The following ADAM28 variants were observed in gnomAD, a reference collection of about 807,000 sequenced individuals.
The protein encoded by ADAM28 is ADAM metallopeptidase domain 28, also known as disintegrin and metalloproteinase domain-containing protein 28.
In ADAM28, 105 loss-of-function variants were observed where a neutral mutation model predicts 101.2. The observed-to-expected ratio is 1.04, with a 90% CI of 0.89 to 1.22. The LOEUF is 1.22. Ranked by LOEUF, ADAM28 falls within the 50% of genes most tolerant of loss-of-function variation. ADAM28 has a pLI of 0.00. For missense variants in ADAM28, 1,028 were observed against 945.4 expected (o/e 1.09, Z -1.15); for synonymous variants, 322 against 310.6 (o/e 1.04, Z -0.39).
chr8:24,297,652 A>G (rs192516072), intron 1 of ADAM28, among the ~76,000 whole-genome samples: 55 of 152,340 alleles, frequency 3.6e-4, no homozygotes, highest in African/African-American at 1.3e-3. Flanking sequence ...GTAATGTACC[A>G]GGCAGCACGT....
chr8:24,297,166 TTTGTTG>T (rs151294062), intron 1 of ADAM28, among the ~76,000 whole-genome samples: 4 of 151,638 alleles, frequency 2.6e-5, no homozygotes, highest in African/African-American at 7.3e-5. Flanking sequence ...TGGGTTTTTT[TTTGTTG>T]TTGTTGTTGT....
intron 18 of ADAM28, among the ~76,000 whole-genome samples, chr8:24,348,473 AT>A (rs2129337123): frequency 6.6e-6 from 1 of 152,020 alleles, no homozygotes; most frequent in African/African-American, 2.4e-5. Context: ...TTTGCCTTTC[AT>A]TTCTTTCTGC....
At chr8:24,321,189 C>T (rs1811828859) in intron 7 of ADAM28, 29 bp from the exon 8 acceptor site, 7 of 1,389,202 alleles carry the variant, frequency 5.0e-6, no homozygotes, top group South Asian at 1.2e-5. Context: ...TTTATCAATG[C>T]CCATATTCTT....
At chr8:24,325,485 A>G (rs1262989524) in intron 9 of ADAM28, among the ~76,000 whole-genome samples, 2 of 151,962 alleles carry the variant, frequency 1.3e-5, no homozygotes, top group African/African-American at 4.8e-5. Context: ...TCCAAAATGA[A>G]CGAAATGTTA....
intron 5 of ADAM28, 27 bp downstream of exon 5, chr8:24,311,464 T>G: frequency 6.3e-7 from 1 of 1,583,602 alleles, no homozygotes; most frequent in Non-Finnish European, 8.6e-7. Context: ...GTTTTGCATG[T>G]ACCTGTGATT....
At chr8:24,297,614 A>G (rs1417677923) in intron 1 of ADAM28, among the ~76,000 whole-genome samples, 2 of 152,230 alleles carry the variant, frequency 1.3e-5, no homozygotes, top group African/African-American at 4.8e-5. Context: ...CTCTATCTTA[A>G]CAAGACTAAT....
chr8:24,323,970 G>T lies in ADAM28; in HGVS notation c.857G>T (p.Arg286Ile). The change falls in exon 9 of 23, where the codon AGA becomes ATA. Residue 286 changes from arginine to isoleucine, a missense_variant. By Grantham distance (97) the Arg-to-Ile change is moderately conservative (BLOSUM62 -3). Transcript: ENST00000265769. ...FSKWRGSVLSRRKRHDIAQLI... is the reference protein window; with the variant it reads ...FSKWRGSVLSIRKRHDIAQLI... The stretch of plus-strand genomic sequence containing the variant: ...AAATGGAGGGGGAGTGTTCTCTCAA[G>T]AAGAAAGCGTCATGATATTGCTCAG... 1 of 1,611,986 alleles carries T rather than the reference G, an allele frequency of 6.2e-7. No individual in the cohort carries two copies. The highest frequency in any genetic ancestry group is 1.7e-4 in the Middle Eastern group (1 of 6,042).
rs1294813334 is a variant in ADAM28 at position 24,331,196 on chromosome 8, G to A, written c.1150G>A (p.Asp384Asn). Residue 384 changes from aspartate to asparagine, a missense_variant, in exon 12 of 23, where the codon GAC (aspartate) becomes AAC (asparagine). By Grantham distance (23) the Asp-to-Asn change is conservative. Transcript: ENST00000265769. ...DFSSCSRLSY[D>N]KFFEDKLSNC... ...CAGTTCCTGCAGCCGTCTCAGCTAT[G>A]ACAAGTTTTTTGAAGATAAATTATC... 2 of 1,613,408 alleles carry A rather than the reference G, an allele frequency of 1.2e-6. No homozygotes were observed. The highest frequency in any genetic ancestry group is 1.7e-5 in the Admixed American group (1 of 59,942).
chr8:24,355,713 T>G lies in ADAM28; in HGVS notation c.*1309T>G, dbSNP rs576424025. 2.2e-4 allele frequency: 33 copies of G among 152,284 alleles called. No individual in the cohort carries two copies. Among genetic ancestry groups the G allele is most frequent in the African/African-American group, 7.9e-4 (33 of 41,574 alleles). 9.4% of individuals were successfully genotyped at this position (152,284 alleles called of 1,614,324 possible). ...AGAATAAAACCTGGCCTTTCAATGATGTCATGGAATTGGTAGATCAGTGAC... is the reference window on the plus strand; with the variant it reads ...AGAATAAAACCTGGCCTTTCAATGAGGTCATGGAATTGGTAGATCAGTGAC... On this transcript the variant is annotated 3_prime_UTR_variant, in exon 23 of 23. Coordinates refer to ENST00000265769, the MANE Select transcript of ADAM28 (RefSeq NM_014265.6).
chr8:24,357,571 A>G lies in ADAM28; in HGVS notation c.*3167A>G, dbSNP rs1248051438. On this transcript the variant is annotated 3_prime_UTR_variant, in exon 23 of 23. Transcript: ENST00000265769. ...GAGAGCTTACTATCTCGACAAAAGCATGGGGGAAACCACCCCCATGATCCA... is the reference window on the plus strand; with the variant it reads ...GAGAGCTTACTATCTCGACAAAAGCGTGGGGGAAACCACCCCCATGATCCA... 1 of 152,152 alleles carries G rather than the reference A, an allele frequency of 6.6e-6. No homozygotes were observed. The highest frequency in any genetic ancestry group is 1.5e-5 in the Non-Finnish European group (1 of 68,030). 9.4% of individuals were successfully genotyped at this position (152,152 alleles called of 1,614,324 possible). A position where few individuals can be genotyped will look rare whatever the true frequency, so the allele number is the denominator to read the frequency against.
intron 5 of ADAM28, among the ~76,000 whole-genome samples, chr8:24,311,801 C>T (rs184503379): frequency 1.3e-5 from 2 of 152,098 alleles, no homozygotes; most frequent in East Asian, 1.9e-4. Context: ...TATAGTGGTG[C>T]GATTTCAGCT....
At chr8:24,312,945 C>T (rs191544659) in intron 5 of ADAM28, among the ~76,000 whole-genome samples, 1 of 152,134 alleles carries the variant, frequency 6.6e-6, no homozygotes, top group Non-Finnish European at 1.5e-5. Flanking sequence ...ATGTGGAGAA[C>T]CTGAGGCTTG....
chr8:24,304,513 A>G (rs1416393992), intron 2 of ADAM28, among the ~76,000 whole-genome samples: 2 of 152,136 alleles, frequency 1.3e-5, no homozygotes, highest in East Asian at 3.9e-4. Context: ...TTGTATAAAT[A>G]TTTGGGGATA....
chr8:24,321,540 G>A (rs1013222788), intron 8 of ADAM28: 3 of 444,394 alleles, frequency 6.8e-6, no homozygotes, highest in South Asian at 4.7e-5. Context: ...AGCTACATGG[G>A]TGCATTGTAT....
At chr8:24,300,599 G>A (rs956837598) in intron 2 of ADAM28, among the ~76,000 whole-genome samples, 1 of 152,020 alleles carries the variant, frequency 6.6e-6, no homozygotes, top group African/African-American at 2.4e-5. Flanking sequence ...TGTATTTTTA[G>A]TTGAGACGGG....
intron 4 of ADAM28, 172 bp downstream of exon 4, chr8:24,310,413 A>T: frequency 1.6e-6 from 1 of 619,688 alleles, no homozygotes. Context: ...ATCAATTAAC[A>T]AGAACAAAAC....
At position 24,331,217 on chromosome 8, in the gene ADAM28, T is replaced by C. The variant is rs1205973737; in HGVS notation, c.1171T>C (p.Leu391=). 1 of 1,613,546 alleles carries C rather than the reference T, an allele frequency of 6.2e-7. No homozygotes were observed. Among genetic ancestry groups the C allele is most frequent in the East Asian group, 2.2e-5 (1 of 44,860 alleles). The part of the protein sequence containing the change: ...LSYDKFFEDK[L]SNCLFNAPLP... ...CTATGACAAGTTTTTTGAAGATAAA[T>C]TATCAAATTGCCTCTTTAATGCTCC... is the stretch of plus-strand genomic sequence containing the variant. The change falls in exon 12 of 23, where the codon TTA becomes CTA. Residue 391 remains leucine, a synonymous_variant. Coordinates refer to ENST00000265769, the MANE Select transcript of ADAM28 (RefSeq NM_014265.6).
chr8:24,342,254 T>C (rs1814871917), intron 16 of ADAM28, among the ~76,000 whole-genome samples: 1 of 152,188 alleles, frequency 6.6e-6, no homozygotes, highest in African/African-American at 2.4e-5. Context: ...AGATTAGAAT[T>C]ACCCTCTTTA....
chr8:24,311,388 C>T lies in ADAM28; in HGVS notation c.334C>T (p.Leu112Phe). Residue 112 changes from leucine to phenylalanine, a missense_variant, in exon 5 of 23, where the codon CTT becomes TTT. Leu to Phe is a conservative substitution (Grantham distance 22). Transcript: ENST00000265769. ...MDDCYYQGHI[L>F]NEKVSDASIS... ...TGATTGTTATTATCAAGGACATATT[C>T]TTAATGAAAAGGTTTCTGACGCTAG... 6.2e-7 allele frequency: 1 copy of T among 1,613,116 alleles called. No homozygotes were observed. The highest frequency in any genetic ancestry group is 8.5e-7 in the Non-Finnish European group (1 of 1,179,504).
Sources: gnomAD v4.1 joint callset for allele counts (sites outside exome capture counted in the v4.1 genomes callset) on GRCh38, gnomAD v4.1.1 for gene constraint, MANE v1.5 for transcripts, NCBI Gene and HGNC (gene_info 2026-07-23, HGNC 2026-07-21) for gene names.